UMAD1: variants seen among roughly 807,000 people sequenced by gnomAD.
The protein encoded by UMAD1 is UBAP1-MVB12-associated (UMA) domain containing 1.
In UMAD1, 8 loss-of-function variants were observed where a neutral mutation model predicts 6.1. The observed-to-expected ratio is 1.30, with a 90% CI of 0.76 to 2.35. UMAD1 has a LOEUF of 2.35. Among genes scored for constraint, UMAD1 ranks in the 30% most tolerant of loss-of-function variants. The pLI is 0.00. For missense variants in UMAD1, 130 were observed against 78.4 expected, an observed-to-expected ratio of 1.66 and a Z score of -2.49; for synonymous variants, 56 against 31.4, an observed-to-expected ratio of 1.78 and a Z score of -2.61.
chr7:7,764,538 C>T (rs759164090), intron 2 of UMAD1, among the ~76,000 whole-genome samples: 4 of 152,070 alleles, frequency 2.6e-5, no homozygotes, highest in Admixed American at 1.3e-4. Context: ...GTTCTCAATA[C>T]CTAGGCCAAT....
intron 2 of UMAD1, among the ~76,000 whole-genome samples, chr7:7,697,339 C>T (rs1051393254): frequency 6.6e-6 from 1 of 152,156 alleles, no homozygotes; most frequent in Non-Finnish European, 1.5e-5. Flanking sequence ...TCTATTCTGC[C>T]AGACAAGTTG....
At chr7:7,813,602 T>TA (rs56902993) in intron 3 of UMAD1, among the ~76,000 whole-genome samples, 126,422 of 151,632 alleles carry the variant, frequency 0.83, 52,740 homozygotes, top group Middle Eastern at 0.92. Flanking sequence ...CCATTTACAT[T>TA]AAAAAAAAGC....
At chr7:7,870,255 C>T (rs1312831214) in intron 3 of UMAD1, among the ~76,000 whole-genome samples, 2 of 152,036 alleles carry the variant, frequency 1.3e-5, no homozygotes, top group Non-Finnish European at 2.9e-5. Flanking sequence ...ACGGTATGCT[C>T]ATATTTAAAC....
chr7:7,727,297 A>G (rs554961541), intron 2 of UMAD1, among the ~76,000 whole-genome samples: 2 of 152,298 alleles, frequency 1.3e-5, no homozygotes, highest in East Asian at 1.9e-4. Context: ...GAGACATAAG[A>G]TTTATTGGCT....
chr7:7,745,611 G>C (rs754502322), intron 2 of UMAD1, among the ~76,000 whole-genome samples: 10 of 152,142 alleles, frequency 6.6e-5, no homozygotes, highest in Admixed American at 3.9e-4. Context: ...AACAGGTCAG[G>C]GAAAGCTGAG....
At chr7:7,763,914 T>C (rs1367183732) in intron 2 of UMAD1, among the ~76,000 whole-genome samples, 4 of 152,172 alleles carry the variant, frequency 2.6e-5, no homozygotes, top group African/African-American at 9.7e-5. Flanking sequence ...GGAAATGAAG[T>C]ATGTCAACTA....
intron 3 of UMAD1, among the ~76,000 whole-genome samples, chr7:7,872,434 A>G (rs1462019110): frequency 6.6e-6 from 1 of 152,238 alleles, no homozygotes; most frequent in African/African-American, 2.4e-5. Flanking sequence ...CACAACATTT[A>G]TCAGTTAAAT....
intron 3 of UMAD1, among the ~76,000 whole-genome samples, chr7:7,842,375 G>C (rs369645092): frequency 6.6e-6 from 1 of 151,820 alleles, no homozygotes; most frequent in Non-Finnish European, 1.5e-5. Flanking sequence ...AATCCAAAAC[G>C]TGGACCTTAT....
intron 2 of UMAD1, among the ~76,000 whole-genome samples, chr7:7,727,284 C>A (rs1238639273): frequency 6.6e-6 from 1 of 152,168 alleles, no homozygotes; most frequent in Non-Finnish European, 1.5e-5. Context: ...TTTACTTTAT[C>A]ATGAGACATA....
intron 2 of UMAD1, among the ~76,000 whole-genome samples, chr7:7,770,637 T>C (rs1168263491): frequency 6.6e-6 from 1 of 151,908 alleles, no homozygotes; most frequent in Non-Finnish European, 1.5e-5. Context: ...ATCTAGGAGG[T>C]AGGATTAATT....
chr7:7,868,277 G>T (rs1405794690), intron 3 of UMAD1: 1 of 152,100 alleles, frequency 6.6e-6, no homozygotes, highest in Non-Finnish European at 1.5e-5. Context: ...TTCTTGCCTG[G>T]TTCCTTTCCT....
chr7:7,704,871 AC>A (rs1780560188), intron 2 of UMAD1, among the ~76,000 whole-genome samples: 1 of 152,072 alleles, frequency 6.6e-6, no homozygotes, highest in African/African-American at 2.4e-5. Flanking sequence ...TTGAAAAAAA[AC>A]GATGTGTTTT....
chr7:7,875,713 C>CA (rs1304011224), intron 3 of UMAD1, among the ~76,000 whole-genome samples: 1 of 152,288 alleles, frequency 6.6e-6, no homozygotes, highest in East Asian at 1.9e-4. Context: ...CTGCCAACCA[C>CA]AAAAAGCCCA....
At chr7:7,845,528 C>A (rs1187669835) in intron 3 of UMAD1, among the ~76,000 whole-genome samples, 3 of 152,050 alleles carry the variant, frequency 2.0e-5, no homozygotes, top group African/African-American at 7.2e-5. Context: ...GTGAAACTAG[C>A]TTTTTGTGAC....
chr7:7,674,317 A>C (rs1000333325), intron 2 of UMAD1, among the ~76,000 whole-genome samples: 4 of 152,172 alleles, frequency 2.6e-5, no homozygotes, highest in Non-Finnish European at 5.9e-5. Flanking sequence ...TCAGACTGGC[A>C]TCTGCTAGCA....
intron 2 of UMAD1, among the ~76,000 whole-genome samples, chr7:7,770,727 C>T (rs1012417294): frequency 6.6e-6 from 1 of 151,864 alleles, no homozygotes; most frequent in Admixed American, 6.6e-5. Flanking sequence ...TGAGGAGGTG[C>T]ACATGTACCC....
intron 2 of UMAD1, among the ~76,000 whole-genome samples, chr7:7,685,505 C>T (rs1390060256): frequency 6.6e-6 from 1 of 152,058 alleles, no homozygotes; most frequent in Non-Finnish European, 1.5e-5. Flanking sequence ...GAAGGAGTTT[C>T]ACCACTTTGG....
At chr7:7,825,154 G>A (rs527558799) in intron 3 of UMAD1, among the ~76,000 whole-genome samples, 10 of 152,146 alleles carry the variant, frequency 6.6e-5, no homozygotes, top group East Asian at 1.9e-4. Flanking sequence ...GTGGGCGCAG[G>A]GGGGAGTGTA....
intron 2 of UMAD1, among the ~76,000 whole-genome samples, chr7:7,769,494 C>CA (rs1377132380): frequency 6.6e-6 from 1 of 152,118 alleles, no homozygotes; most frequent in Non-Finnish European, 1.5e-5. Context: ...CCCCCACTGA[C>CA]AGGATGGGCG....
Sources: allele counts gnomAD v4.1 joint callset (sites outside exome capture counted in the v4.1 genomes callset), GRCh38; gene constraint gnomAD v4.1.1; transcripts MANE v1.5; gene names NCBI Gene and HGNC (gene_info 2026-07-23, HGNC 2026-07-21).